DIP2A: variants seen among roughly 807,000 people sequenced by gnomAD.
The protein encoded by DIP2A is DIP2 acetate--CoA ligase A.
DIP2A carries 85 observed loss-of-function variants against 177.4 expected under a neutral mutation model. The observed-to-expected ratio is 0.48, with a 90% confidence interval of 0.40 to 0.57. DIP2A has a LOEUF of 0.57. Ranked by LOEUF, DIP2A falls within the 20% of genes least tolerant of loss-of-function variation. The pLI is 0.00. For synonymous variants in DIP2A, 886 were observed against 881.8 expected (o/e 1.00, Z -0.08); for missense variants, 1,791 against 2,100.2 (o/e 0.85, Z 2.88).
At chr21:46,565,997 T>G in intron 36 of DIP2A, 110 bp downstream of exon 36, 1 of 1,281,772 alleles carries the variant, frequency 7.8e-7, no homozygotes, top group Non-Finnish European at 1.1e-6. Flanking sequence ...GGTCTGGTAT[T>G]GCTCCTTGTG....
At chr21:46,579,824 T>C in the DIP2A span, among the ~76,000 whole-genome samples, 5 of 152,130 alleles carry the variant, frequency 3.3e-5, no homozygotes, top group African/African-American at 9.7e-5. Flanking sequence ...AAGACTGTTA[T>C]AATTTCAGTT....
At chr21:46,485,164 A>G (rs1264147367) in intron 2 of DIP2A, among the ~76,000 whole-genome samples, 2 of 152,198 alleles carry the variant, frequency 1.3e-5, no homozygotes, top group East Asian at 1.9e-4. Context: ...TAGAGCATCT[A>G]TTGTAAAGAT....
At chr21:46,491,278 T>C (rs990956794) in intron 3 of DIP2A, among the ~76,000 whole-genome samples, 1 of 151,414 alleles carries the variant, frequency 6.6e-6, no homozygotes, top group East Asian at 1.9e-4. Flanking sequence ...GCACGTTATC[T>C]ATTTAATATT....
At chr21:46,512,453 C>A (rs1197574385) in intron 8 of DIP2A, among the ~76,000 whole-genome samples, 3 of 152,084 alleles carry the variant, frequency 2.0e-5, no homozygotes, top group Admixed American at 1.3e-4. Flanking sequence ...TTCTCACCAG[C>A]TTTTGATATT....
intron 18 of DIP2A, among the ~76,000 whole-genome samples, chr21:46,542,514 G>T (rs1448228346): frequency 6.6e-6 from 1 of 152,240 alleles, no homozygotes; most frequent in East Asian, 1.9e-4. Context: ...AGGCCTATGT[G>T]AACTCTTCTG....
rs376453156 is a variant in DIP2A at position 46,511,644 on chromosome 21, C to T, written c.1102+30C>T. The T allele has an allele frequency of 3.7e-5, 56 of 1,502,046 alleles. No individual in the cohort carries two copies. The East Asian group carries it at 5.4e-4, about 15-fold the overall frequency. The allele number at this position is 1,502,046 out of a possible 1,614,324, so 93.0% of individuals were successfully genotyped here. ...GTGTTAACAGAAAGCAGTTGTGCTT[C>T]TGGGTTAGCTGTAGAATGTCACACA... On this transcript the variant is annotated intron_variant, in intron 8 of 37. Coordinates refer to ENST00000417564, the MANE Select transcript of DIP2A (RefSeq NM_015151.4).
chr21:46,555,704 T>C (rs2060443283), intron 28 of DIP2A: 1 of 459,060 alleles, frequency 2.2e-6, no homozygotes, highest in Admixed American at 3.7e-5. Context: ...TCTTTCCTAC[T>C]GGTCAGTGAC....
intron 1 of DIP2A, among the ~76,000 whole-genome samples, chr21:46,483,068 G>C (rs1261034401): frequency 3.9e-5 from 6 of 152,146 alleles, no homozygotes; most frequent in African/African-American, 1.4e-4. Context: ...GTGAGGGGGT[G>C]AACAAGGATG....
rs2060903106 is a variant in DIP2A at position 46,568,822 on chromosome 21, G to A, written c.*1200G>A. 6.6e-6 allele frequency: 1 copy of A among 152,206 alleles called. No homozygotes were observed. The highest frequency in any genetic ancestry group is 2.1e-4 in the South Asian group (1 of 4,828). The allele number at this position is 152,206 out of a possible 1,614,324, so 9.4% of individuals were successfully genotyped here. ...TCATATCCATAGTGCTGTTTGGTGA[G>A]TACCGGCAGTACAGTTGAGGGGAGC... On this transcript the variant is annotated 3_prime_UTR_variant, in exon 38 of 38. Coordinates refer to ENST00000417564, the MANE Select transcript of DIP2A (RefSeq NM_015151.4).
rs2057484158 is a variant in DIP2A at position 46,498,615 on chromosome 21, T to C, written c.437T>C (p.Leu146Ser). ...TCTGCCTCAGAAGATGAGGGCTCTT[T>C]ACGGCGACCCGGGCGACTCACCTCC... The part of the protein sequence containing the change: ...TSSASEDEGS[L>S]RRPGRLTSTP... The change falls in exon 5 of 38, where the codon TTA (leucine) becomes TCA (serine). Residue 146 changes from leucine (L) to serine (S), a missense_variant. Physicochemically the swap from Leu to Ser is moderately radical, Grantham distance 145. Coordinates refer to ENST00000417564, the MANE Select transcript of DIP2A (RefSeq NM_015151.4). The surrounding 1 kb of genome is among the most constrained non-coding windows in gnomAD (Gnocchi z 4.3). 1 of 1,612,616 alleles carries C rather than the reference T, an allele frequency of 6.2e-7. No homozygotes were observed. The highest frequency in any genetic ancestry group is 1.7e-4 in the Middle Eastern group (1 of 6,060).
chr21:46,459,251 C>T, intron 1 of DIP2A, 29 bp downstream of exon 1: 4 of 1,500,322 alleles, frequency 2.7e-6, no homozygotes, highest in East Asian at 2.8e-5. Flanking sequence ...TCAACCCCCG[C>T]GACCCGCCCT....
At chr21:46,571,490 A>G (rs756874008), downstream of DIP2A, among the ~76,000 whole-genome samples, 18 of 152,252 alleles carry the variant, frequency 1.2e-4, no homozygotes, top group Admixed American at 9.2e-4. Context: ...TATTTTGGGC[A>G]GTATGGCCAT....
chr21:46,489,082 GAC>G (rs1238016040), intron 2 of DIP2A, among the ~76,000 whole-genome samples: 3 of 150,918 alleles, frequency 2.0e-5, no homozygotes, highest in African/African-American at 4.9e-5. Flanking sequence ...TACACACACA[GAC>G]ACACACAAAC....
chr21:46,548,165 T>A (rs1369017317), intron 21 of DIP2A, among the ~76,000 whole-genome samples: 1 of 151,446 alleles, frequency 6.6e-6, no homozygotes, highest in Non-Finnish European at 1.5e-5. Flanking sequence ...GGGCAGGCTG[T>A]GCTCATGCAT....
At chr21:46,483,705 A>G (rs1208207165) in intron 1 of DIP2A, among the ~76,000 whole-genome samples, 1 of 152,266 alleles carries the variant, frequency 6.6e-6, no homozygotes, top group Non-Finnish European at 1.5e-5. Context: ...TCTAAAGGAA[A>G]TACTCAATTA....
At chr21:46,493,627 C>T (rs2057147453) in intron 3 of DIP2A, among the ~76,000 whole-genome samples, 1 of 152,070 alleles carries the variant, frequency 6.6e-6, no homozygotes, top group African/African-American at 2.4e-5. Context: ...CAGTCTGTTT[C>T]TTGATCTTTC....
intron 9 of DIP2A, among the ~76,000 whole-genome samples, chr21:46,531,358 A>C (rs1239049284): frequency 6.6e-6 from 1 of 152,214 alleles, no homozygotes; most frequent in Admixed American, 6.5e-5. Context: ...AATTAGCTAG[A>C]GAATACACAG....
intron 2 of DIP2A, among the ~76,000 whole-genome samples, chr21:46,490,028 G>A (rs968453118): frequency 7.2e-5 from 11 of 152,178 alleles, no homozygotes; most frequent in African/African-American, 2.4e-4. Flanking sequence ...CAGCTGGCCC[G>A]GCCTGAGCAG....
intron 7 of DIP2A, 105 bp downstream of exon 7, chr21:46,509,481 A>T: frequency 7.4e-7 from 1 of 1,355,582 alleles, no homozygotes; most frequent in African/African-American, 1.5e-5. Flanking sequence ...TGCTATATAT[A>T]TTCTGTTTCC....
Sources: gnomAD v4.1 joint callset for allele counts (sites outside exome capture counted in the v4.1 genomes callset) on GRCh38, gnomAD v4.1.1 for gene constraint, Gnocchi (gnomAD v3.1) non-coding constraint, MANE v1.5 for transcripts, NCBI Gene and HGNC (gene_info 2026-07-23, HGNC 2026-07-21) for gene names.